Variants in DLGAP1 observed in about 807,000 individuals in gnomAD.
DLGAP1 encodes DLG associated protein 1.
Under a neutral mutation model 90.8 loss-of-function variants are expected in DLGAP1, and 11 were observed. The ratio of observed to expected loss-of-function variants is 0.12; its 90% CI spans 0.08 to 0.20. The LOEUF is 0.20. DLGAP1 is among the 10% of genes least tolerant of loss of function. The pLI, the probability that DLGAP1 is intolerant of heterozygous loss-of-function variation, is 1.00. For missense variants in DLGAP1, 1,050 were observed against 1,333.8 expected (o/e 0.79, Z 3.31); for synonymous variants, 558 against 540.7 (o/e 1.03, Z -0.44).
chr18:3,803,043 T>C (rs7241626), intron 5 of DLGAP1, among the ~76,000 whole-genome samples: 28,547 of 152,164 alleles, frequency 0.19, 6,630 homozygotes, highest in African/African-American at 0.55. Flanking sequence ...AAACTGACTT[T>C]TTGGGAGGAA....
At chr18:3,694,931 T>C (rs1450019368) in intron 7 of DLGAP1, among the ~76,000 whole-genome samples, 1 of 134,486 alleles carries the variant, frequency 7.4e-6, no homozygotes, top group East Asian at 2.2e-4. Flanking sequence ...GCTTTTGGTG[T>C]TTTTTTTGTT....
At chr18:3,935,656 G>A (rs1189849911) in intron 3 of DLGAP1, among the ~76,000 whole-genome samples, 3 of 152,158 alleles carry the variant, frequency 2.0e-5, no homozygotes, top group Non-Finnish European at 4.4e-5. Context: ...GATAATGACA[G>A]TAATACAAAT....
At chr18:3,869,478 C>A (rs2070608165) in intron 4 of DLGAP1, among the ~76,000 whole-genome samples, 1 of 152,178 alleles carries the variant, frequency 6.6e-6, no homozygotes, top group African/African-American at 2.4e-5. Flanking sequence ...GTCGCTTGAG[C>A]CCAGGAGGTC....
chr18:4,421,149 A>C (rs2083019879), intron 1 of DLGAP1, among the ~76,000 whole-genome samples: 1 of 152,214 alleles, frequency 6.6e-6, no homozygotes. Context: ...GTCTGAACCA[A>C]GGTGTTGGTA....
At chr18:4,274,557 A>C (rs893579302) in intron 1 of DLGAP1, among the ~76,000 whole-genome samples, 10 of 152,214 alleles carry the variant, frequency 6.6e-5, no homozygotes, top group Non-Finnish European at 1.3e-4. Flanking sequence ...AATCTGACTC[A>C]CATTAGAGAG....
At chr18:4,390,443 G>A (rs143744658) in intron 1 of DLGAP1, among the ~76,000 whole-genome samples, 1 of 152,194 alleles carries the variant, frequency 6.6e-6, no homozygotes, top group Admixed American at 6.5e-5. Context: ...TTTGAAAAAT[G>A]TATAATGACA....
At chr18:4,235,717 G>GTTTT (rs2078395182) in intron 1 of DLGAP1, among the ~76,000 whole-genome samples, 7 of 101,600 alleles carry the variant, frequency 6.9e-5, no homozygotes, top group East Asian at 4.0e-4. Context: ...CAATTTCAAT[G>GTTTT]TCTTTTTTTT....
In DLGAP1 at chr18:3,720,888, C is replaced by CCAAAAAAAAAAAAAAAAAAAAA. The variant is rs1441095000; in HGVS notation, c.1591+8246_1591+8247insTTTTTTTTTTTTTTTTTTTTTG. 9.1e-3 allele frequency among the ~76,000 whole-genome samples: 459 copies of CCAAAAAAAAAAAAAAAAAAAAA among 50,280 alleles called. 73 individuals are homozygous for CCAAAAAAAAAAAAAAAAAAAAA. The highest frequency in any genetic ancestry group is 0.035 in the African/African-American group (436 of 12,466). The allele number at this position is 50,280 out of a possible 152,430, so 33.0% of individuals were successfully genotyped here. A position where few individuals can be genotyped will look rare whatever the true frequency, so the allele number is the denominator to read the frequency against. ...GCAACATACTAAGACCTTGTCTCTA[C>CCAAAAAAAAAAAAAAAAAAAAA]AAAAAAAAAAAAAAAAAAAAATTAG... On this transcript the variant is annotated intron_variant, in intron 7 of 12. Transcript: ENST00000315677.
At chr18:3,650,706 C>CGGAA (rs1491130771) in intron 7 of DLGAP1, among the ~76,000 whole-genome samples, 117 of 152,182 alleles carry the variant, frequency 7.7e-4, no homozygotes, top group Non-Finnish European at 1.4e-3. Flanking sequence ...GGAAGGAACT[C>CGGAA]CTTCTGGGAG....
At chr18:3,925,284 G>GC (rs2072356718) in intron 3 of DLGAP1, among the ~76,000 whole-genome samples, 1 of 108,238 alleles carries the variant, frequency 9.2e-6, no homozygotes, top group Non-Finnish European at 2.0e-5. Flanking sequence ...AGATTTGTGG[G>GC]ATTTTTTTTT....
chr18:3,580,684 C>T (rs1260462624), intron 8 of DLGAP1: 35 of 1,612,076 alleles, frequency 2.2e-5, no homozygotes, highest in Non-Finnish European at 2.5e-5. Flanking sequence ...CTGAGGACGA[C>T]GGTGGCCACA....
intron 7 of DLGAP1, among the ~76,000 whole-genome samples, chr18:3,589,361 G>A (rs972044019): frequency 6.6e-6 from 1 of 152,180 alleles, no homozygotes; most frequent in Admixed American, 6.5e-5. Context: ...CCACAAAACA[G>A]ATGTGAGATC....
At chr18:4,121,061 A>G (rs557496422) in intron 2 of DLGAP1, among the ~76,000 whole-genome samples, 48 of 152,236 alleles carry the variant, frequency 3.2e-4, no homozygotes, top group African/African-American at 1.1e-3. Context: ...CAAGACGGAC[A>G]CTGGTTCACG....
rs921660510 is a variant in DLGAP1, at chr18:3,825,945, TA to T, written c.958-11673del. Among the ~76,000 whole-genome samples the T allele has an allele frequency of 1.1e-4, 17 of 152,132 alleles. 1 individual carries two copies. The highest frequency in any genetic ancestry group is 8.3e-4 in the South Asian group (4 of 4,820). Reference sequence around the variant, plus strand: ...TACACTATGGAATACTATGCAGCCATAAAAAAAGAACAAAATCATGTCCTTT... The same window carrying T: ...TACACTATGGAATACTATGCAGCCATAAAAAAGAACAAAATCATGTCCTTT... On this transcript the variant is annotated intron_variant, in intron 4 of 12. Transcript: ENST00000315677.
At chr18:4,123,361 A>T (rs1300032656) in intron 2 of DLGAP1, among the ~76,000 whole-genome samples, 1 of 152,098 alleles carries the variant, frequency 6.6e-6, no homozygotes, top group African/African-American at 2.4e-5. Context: ...GAACTGGGAC[A>T]ATATACACTC....
At chr18:3,501,213 C>T (rs1568082844) in intron 12 of DLGAP1, among the ~76,000 whole-genome samples, 1 of 142,786 alleles carries the variant, frequency 7.0e-6, no homozygotes, top group Admixed American at 7.2e-5. Context: ...CCACCATGCC[C>T]AGCCAACAAT....
chr18:4,304,850 G>C lies in DLGAP1; in HGVS notation c.-267+150156C>G, dbSNP rs2080210310. Among the ~76,000 whole-genome samples, 3 of 151,658 alleles carry C rather than the reference G, an allele frequency of 2.0e-5. No individual in the cohort carries two copies. In the South Asian group the frequency reaches 6.2e-4, roughly 31 times the overall value. On this transcript the variant is annotated intron_variant, in intron 1 of 12. Transcript: ENST00000315677. ...GGAGGCTGAGGCAGGAGAATCGCTT[G>C]AACCCAGGAGGCGGAGGTTGCAGTG...
At chr18:4,137,039 A>C (rs1321754781) in intron 2 of DLGAP1, among the ~76,000 whole-genome samples, 1 of 152,020 alleles carries the variant, frequency 6.6e-6, no homozygotes, top group Non-Finnish European at 1.5e-5. Context: ...TCCTAATGCT[A>C]TCCCTCCCCC....
chr18:3,854,568 C>T (rs1040006057), intron 4 of DLGAP1, among the ~76,000 whole-genome samples: 1 of 152,182 alleles, frequency 6.6e-6, no homozygotes, highest in Non-Finnish European at 1.5e-5. Context: ...TGACTACTAA[C>T]GTAAGTGGAG....
Sources: gnomAD v4.1 joint callset for allele counts (sites outside exome capture counted in the v4.1 genomes callset) on GRCh38, gnomAD v4.1.1 for gene constraint, MANE v1.5 for transcripts, NCBI Gene and HGNC (gene_info 2026-07-23, HGNC 2026-07-21) for gene names.